The following ADAM23 variants were observed in gnomAD, a reference collection of about 807,000 sequenced individuals.
ADAM23 encodes disintegrin and metalloproteinase domain-containing protein 23.
In ADAM23, 33 loss-of-function variants were observed where a neutral mutation model predicts 120.1. That is an observed-to-expected ratio of 0.27 (90% CI 0.21 to 0.37). The LOEUF (loss-of-function observed/expected upper bound fraction) is 0.37. Ranked by LOEUF, ADAM23 falls within the 10% of genes least tolerant of loss-of-function variation. The probability of loss-of-function intolerance (pLI) is 1.00; values close to 1 mark genes in which losing one functional copy is unlikely to be tolerated. For synonymous variants in ADAM23, 367 were observed against 375.2 expected, an observed-to-expected ratio of 0.98 and a Z score of 0.25; for missense variants, 862 against 1,058.2, an observed-to-expected ratio of 0.81 and a Z score of 2.57.
At chr2:206,574,987 G>T (rs987012304) in intron 18 of ADAM23, among the ~76,000 whole-genome samples, 1 of 152,030 alleles carries the variant, frequency 6.6e-6, no homozygotes, top group African/African-American at 2.4e-5. Context: ...CATTCTGCTG[G>T]GTATAGAAAG....
chr2:206,585,081 C>G lies in ADAM23; in HGVS notation c.1738-2244C>G, dbSNP rs568864184. Among the ~76,000 whole-genome samples the G allele has an allele frequency of 9.2e-4, 140 of 152,262 alleles. 1 individual carries two copies. Among genetic ancestry groups the G allele is most frequent in the African/African-American group, 3.3e-3 (136 of 41,546 alleles). On this transcript the variant is annotated intron_variant, in intron 18 of 25. Transcript: ENST00000264377. ...ACAGTATTTGGGTGTCTCCTGGGTC[C>G]TGCAGGAGCAGTCTGCTTCCTTCAG...
At chr2:206,598,191 C>G (rs1054086589) in intron 24 of ADAM23, among the ~76,000 whole-genome samples, 2 of 152,132 alleles carry the variant, frequency 1.3e-5, no homozygotes, top group Non-Finnish European at 2.9e-5. Context: ...TCCAAATTTT[C>G]TCTCCACAGT....
chr2:206,593,528 T>G (rs1003486733), intron 22 of ADAM23, among the ~76,000 whole-genome samples: 1 of 152,190 alleles, frequency 6.6e-6, no homozygotes, highest in Non-Finnish European at 1.5e-5. Flanking sequence ...GGTACTAAAT[T>G]GGCTAATGCT....
chr2:206,454,443 G>A (rs1186465855), intron 2 of ADAM23, among the ~76,000 whole-genome samples: 1 of 152,140 alleles, frequency 6.6e-6, no homozygotes, highest in Non-Finnish European at 1.5e-5. Context: ...CATGAGATTT[G>A]GGTGGGGACA....
intron 2 of ADAM23, among the ~76,000 whole-genome samples, chr2:206,478,202 A>T: frequency 6.6e-6 from 1 of 151,976 alleles, no homozygotes. Context: ...TGGAAAGAGA[A>T]ACAGAATGTA....
Position 206,589,404 on chromosome 2 carries a change from A to G in ADAM23, c.1853-5A>G, listed in dbSNP as rs1036340842. 35 of 1,612,080 alleles carry G rather than the reference A, an allele frequency of 2.2e-5. No homozygotes were observed. The highest frequency in any genetic ancestry group is 2.8e-5 in the Non-Finnish European group (33 of 1,179,116). On this transcript the variant is annotated splice_polypyrimidine_tract_variant and splice_region_variant and intron_variant, in intron 20 of 25. Coordinates refer to ENST00000264377, the MANE Select transcript of ADAM23 (RefSeq NM_003812.4). ...TAATTTTCTTCTCTTGCCTATCTCC[A>G]AAAGAGGCTGCAGGGTCTGACAAGT...
In ADAM23 at chr2:206,487,701, C is replaced by T. The variant is rs79201443; in HGVS notation, c.509+6393C>T. 3.5e-4 allele frequency among the ~76,000 whole-genome samples: 53 copies of T among 152,290 alleles called. No individual in the cohort carries two copies. In the East Asian group the frequency reaches 8.5e-3, roughly 24 times the overall value. On this transcript the variant is annotated intron_variant, in intron 3 of 25. Coordinates refer to ENST00000264377, the MANE Select transcript of ADAM23 (RefSeq NM_003812.4). ...CCCTGTGCTTCTTTTAGCCCCTGCC[C>T]GATGCAGAGAGGAAAGAATTCTTAG... is the stretch of plus-strand genomic sequence containing the variant.
At chr2:206,484,270 G>A (rs755408214) in intron 3 of ADAM23, among the ~76,000 whole-genome samples, 6 of 152,130 alleles carry the variant, frequency 3.9e-5, no homozygotes, top group Non-Finnish European at 8.8e-5. Flanking sequence ...GATGGAGAGG[G>A]AGGTTGGGTT....
intron 2 of ADAM23, among the ~76,000 whole-genome samples, chr2:206,473,797 T>C (rs1330296956): frequency 6.6e-6 from 1 of 151,476 alleles, no homozygotes. Flanking sequence ...TTGTTGAGCC[T>C]AGGAGTTTGT....
intron 2 of ADAM23, among the ~76,000 whole-genome samples, chr2:206,480,625 T>C (rs1318083477): frequency 3.3e-5 from 5 of 152,170 alleles, no homozygotes; most frequent in Admixed American, 3.3e-4. Flanking sequence ...GATGGAATTA[T>C]CTTTGTAGTT....
At chr2:206,562,569 G>A (rs1697788606) in intron 13 of ADAM23, among the ~76,000 whole-genome samples, 1 of 152,154 alleles carries the variant, frequency 6.6e-6, no homozygotes, top group South Asian at 2.1e-4. Flanking sequence ...TGGGGGCAGG[G>A]AATACTCTCA....
chr2:206,507,924 G>T lies in ADAM23; in HGVS notation c.510-22961G>T, dbSNP rs1347311616. ...ATCTGCAGACCAATGATCCTGTGCA[G>T]CCTGCTTGGGCTTCCCTCATTTCTA... On this transcript the variant is annotated intron_variant, in intron 3 of 25. Coordinates refer to ENST00000264377, the MANE Select transcript of ADAM23 (RefSeq NM_003812.4). Among the ~76,000 whole-genome samples the T allele has an allele frequency of 2.6e-5, 4 of 152,170 alleles. No homozygotes were observed. In the East Asian group the frequency reaches 7.7e-4, roughly 29 times the overall value.
chr2:206,507,393 A>AT (rs1480926491), intron 3 of ADAM23, among the ~76,000 whole-genome samples: 13 of 152,038 alleles, frequency 8.6e-5, no homozygotes, highest in African/African-American at 3.1e-4. Flanking sequence ...CTGGTTGTTT[A>AT]TAAGTATGCA....
intron 6 of ADAM23, among the ~76,000 whole-genome samples, chr2:206,545,167 A>G (rs1047932744): frequency 6.6e-6 from 1 of 152,272 alleles, no homozygotes; most frequent in Middle Eastern, 3.4e-3. Context: ...AACAGAAAAC[A>G]TTTTTTATCT....
chr2:206,450,625 C>T (rs1434104073), intron 2 of ADAM23, among the ~76,000 whole-genome samples: 8 of 152,322 alleles, frequency 5.3e-5, no homozygotes, highest in Admixed American at 1.3e-4. Flanking sequence ...GTCACACTAA[C>T]TATATGCTTA....
intron 25 of ADAM23, among the ~76,000 whole-genome samples, chr2:206,614,415 C>CACTTTGGT (rs1559290316): frequency 3.2e-4 from 49 of 151,904 alleles, no homozygotes; most frequent in African/African-American, 1.2e-3. Flanking sequence ...CCTGTAATCC[C>CACTTTGGT]AGGCTGAGGT....
chr2:206,615,439 AT>A (rs1325114029), intron 25 of ADAM23, among the ~76,000 whole-genome samples: 3 of 152,140 alleles, frequency 2.0e-5, no homozygotes, highest in East Asian at 3.8e-4. Context: ...CTGAAAGAAT[AT>A]TTTTTTCATA....
At chr2:206,488,324 C>T (rs1010934278) in intron 3 of ADAM23, among the ~76,000 whole-genome samples, 8 of 152,088 alleles carry the variant, frequency 5.3e-5, no homozygotes, top group African/African-American at 1.4e-4. Flanking sequence ...ACAGTGTACA[C>T]GAATAGTGTT....
At chr2:206,481,711 G>A (rs1193779785) in intron 3 of ADAM23, among the ~76,000 whole-genome samples, 5 of 152,214 alleles carry the variant, frequency 3.3e-5, no homozygotes, top group Non-Finnish European at 7.3e-5. Flanking sequence ...GAAGAACAGA[G>A]TAAGTGATGA....
Sources: allele counts gnomAD v4.1 joint callset (sites outside exome capture counted in the v4.1 genomes callset), GRCh38; gene constraint gnomAD v4.1.1; transcripts MANE v1.5; gene names NCBI Gene and HGNC (gene_info 2026-07-23, HGNC 2026-07-21).